PDE7A: variants seen among roughly 807,000 people sequenced by gnomAD.
The protein encoded by PDE7A is phosphodiesterase 7A.
In PDE7A, 39 loss-of-function variants were observed where a neutral mutation model predicts 64.3. That is an observed-to-expected ratio of 0.61 (90% CI 0.47 to 0.79). PDE7A has a LOEUF of 0.79. PDE7A is among the 30% of genes least tolerant of loss of function. The pLI is 0.00. For synonymous variants in PDE7A, 203 were observed against 206.8 expected, an observed-to-expected ratio of 0.98 and a Z score of 0.16; for missense variants, 470 against 582.8, an observed-to-expected ratio of 0.81 and a Z score of 1.99.
In PDE7A at chr8:65,841,905, A is replaced by G; in HGVS notation, c.-397T>C. ...GGAGCAAAGCAGTGCAAGAAAAGAC[A>G]GCTGGAGCCAGCGGCCAGACCCAGG... On this transcript the variant is annotated 5_prime_UTR_variant, in exon 1 of 13. Transcript: ENST00000401827. The G allele has an allele frequency of 4.7e-6, 1 of 211,032 alleles. No individual in the cohort carries two copies. The highest frequency in any genetic ancestry group is 6.9e-5 in the South Asian group (1 of 14,428). The allele number at this position is 211,032 out of a possible 1,614,324, so 13.1% of individuals were successfully genotyped here. A position where few individuals can be genotyped will look rare whatever the true frequency, so the allele number is the denominator to read the frequency against.
intron 6 of PDE7A, among the ~76,000 whole-genome samples, chr8:65,736,278 C>T (rs183203356): frequency 2.0e-5 from 3 of 152,242 alleles, no homozygotes; most frequent in Admixed American, 1.3e-4. Flanking sequence ...GATTTCATCA[C>T]GCTGCTCACA....
Position 65,719,042 on chromosome 8 carries a change from CT to C in PDE7A, c.*247del. The C allele has an allele frequency of 1.9e-6, 1 of 533,444 alleles. No homozygotes were observed. Among genetic ancestry groups the C allele is most frequent in the Non-Finnish European group, 3.4e-6 (1 of 297,118 alleles). 33.0% of individuals were successfully genotyped at this position (533,444 alleles called of 1,614,324 possible). On this transcript the variant is annotated 3_prime_UTR_variant, in exon 13 of 13. Coordinates refer to ENST00000401827, the MANE Select transcript of PDE7A (RefSeq NM_001242318.3). ...TCCTTTGTTACTCCTTTCGGATTCT[CT>C]CCTGCTGGGCTTTGCATATTCAAGG...
At position 65,834,416 on chromosome 8, in the gene PDE7A, TAAGTTTTTGAGGAGTCAA is replaced by T. The variant is rs1391980893; in HGVS notation, c.138+6937_138+6954del. Reference sequence around the variant, plus strand: ...TCACCAAGAGTAGGCTATTAGTAGTTAAGTTTTTGAGGAGTCAAAAGTTATATGTGGATTTTTGACTGC... The same window carrying T: ...TCACCAAGAGTAGGCTATTAGTAGTTAAGTTATATGTGGATTTTTGACTGC... On this transcript the variant is annotated intron_variant, in intron 1 of 12. Transcript: ENST00000401827. Among the ~76,000 whole-genome samples, 3 of 152,332 alleles carry T rather than the reference TAAGTTTTTGAGGAGTCAA, an allele frequency of 2.0e-5. No homozygotes were observed. In the East Asian group the frequency reaches 5.8e-4, roughly 29 times the overall value.
Position 65,766,032 on chromosome 8 carries a change from G to A in PDE7A, c.283+13688C>T, listed in dbSNP as rs567917462. On this transcript the variant is annotated intron_variant, in intron 3 of 12. Transcript: ENST00000401827. ...ACTATCTCAACTCACTGCAACCTCC[G>A]CCTCTTGGGTTCATGCCATTCTCCT... Among the ~76,000 whole-genome samples the A allele has an allele frequency of 1.8e-4, 27 of 152,222 alleles. No individual in the cohort carries two copies. In the East Asian group the frequency reaches 4.6e-3, roughly 26 times the overall value.
At chr8:65,783,047 A>G (rs1809460415) in intron 1 of PDE7A, among the ~76,000 whole-genome samples, 1 of 152,208 alleles carries the variant, frequency 6.6e-6, no homozygotes, top group South Asian at 2.1e-4. Flanking sequence ...TATGGTTAAG[A>G]ACTACCATAA....
chr8:65,719,589 T>C, intron 12 of PDE7A, 94 bp from the exon 13 acceptor site: 1 of 780,920 alleles, frequency 1.3e-6, no homozygotes. Context: ...TACATCCTAC[T>C]CCAGTATTAC....
At chr8:65,750,524 G>A (rs1807896436) in intron 3 of PDE7A, among the ~76,000 whole-genome samples, 1 of 151,490 alleles carries the variant, frequency 6.6e-6, no homozygotes, top group Non-Finnish European at 1.5e-5. Flanking sequence ...CTGTGTGTGT[G>A]TGAGACAGAG....
intron 1 of PDE7A, among the ~76,000 whole-genome samples, chr8:65,826,933 T>C (rs1296753080): frequency 6.6e-6 from 1 of 152,114 alleles, no homozygotes; most frequent in Non-Finnish European, 1.5e-5. Context: ...CTCCAATCTC[T>C]GCCTCCATCT....
At chr8:65,734,760 T>G (rs1448534176) in intron 7 of PDE7A, 34 bp downstream of exon 7, 7 of 1,206,296 alleles carry the variant, frequency 5.8e-6, no homozygotes, top group Non-Finnish European at 8.6e-6. Context: ...AATTTTCTTA[T>G]GATTTTCACC....
At position 65,716,416 on chromosome 8, in the gene PDE7A, C is replaced by T. The variant is rs529058977; in HGVS notation, c.*2874G>A. Among the ~76,000 whole-genome samples the T allele has an allele frequency of 2.1e-4, 32 of 152,144 alleles. No individual in the cohort carries two copies. Among genetic ancestry groups the T allele is most frequent in the Non-Finnish European group, 4.0e-4 (27 of 68,026 alleles). ...CTTGAGGTAATGACGTTATTTAATG[C>T]ATGTGCCAATCAGAAGCTGATGTAG... On this transcript the variant is annotated 3_prime_UTR_variant, in exon 13 of 13. Coordinates refer to ENST00000401827, the MANE Select transcript of PDE7A (RefSeq NM_001242318.3).
rs1201291950 is a variant in PDE7A at position 65,716,692 on chromosome 8, T to C, written c.*2598A>G. Among the ~76,000 whole-genome samples the C allele has an allele frequency of 3.3e-5, 5 of 152,182 alleles. No individual in the cohort carries two copies. The highest frequency in any genetic ancestry group is 4.8e-5 in the African/African-American group (2 of 41,454). ...TTCTCACTGTAAATTAAAATATTGATAGTGTTTTAAAAAAATAGTTACTGT... is the reference window on the plus strand; with the variant it reads ...TTCTCACTGTAAATTAAAATATTGACAGTGTTTTAAAAAAATAGTTACTGT... On this transcript the variant is annotated 3_prime_UTR_variant, in exon 13 of 13. Coordinates refer to ENST00000401827, the MANE Select transcript of PDE7A (RefSeq NM_001242318.3).
At chr8:65,772,284 T>C (rs1809120968) in intron 3 of PDE7A, among the ~76,000 whole-genome samples, 1 of 152,210 alleles carries the variant, frequency 6.6e-6, no homozygotes, top group African/African-American at 2.4e-5. Context: ...GAAACTATTT[T>C]TATTTCAGCA....
chr8:65,834,794 T>C (rs1810915220), intron 1 of PDE7A, among the ~76,000 whole-genome samples: 2 of 152,174 alleles, frequency 1.3e-5, no homozygotes, highest in Admixed American at 6.5e-5. Context: ...AAGAAAATTA[T>C]AAGCAGGAGA....
At chr8:65,776,871 C>G (rs1014330606) in intron 3 of PDE7A, among the ~76,000 whole-genome samples, 3 of 151,988 alleles carry the variant, frequency 2.0e-5, no homozygotes, top group African/African-American at 7.3e-5. Flanking sequence ...ACTATACTGG[C>G]CAGAACCTCT....
In PDE7A at chr8:65,715,220, C is replaced by A. The variant is rs1308330721; in HGVS notation, c.*4070G>T. 6.6e-6 allele frequency among the ~76,000 whole-genome samples: 1 copy of A among 151,848 alleles called. No individual in the cohort carries two copies. The highest frequency in any genetic ancestry group is 1.5e-5 in the Non-Finnish European group (1 of 67,974). On this transcript the variant is annotated 3_prime_UTR_variant, in exon 13 of 13. Coordinates refer to ENST00000401827, the MANE Select transcript of PDE7A (RefSeq NM_001242318.3). ...CTAAAATTTTTTAGAAAAAAATATTCCAGTAATATAGGTCGTATTTAAGTG... is the reference window on the plus strand; with the variant it reads ...CTAAAATTTTTTAGAAAAAAATATTACAGTAATATAGGTCGTATTTAAGTG...
intron 1 of PDE7A, among the ~76,000 whole-genome samples, chr8:65,813,374 G>C (rs1810302235): frequency 6.6e-6 from 1 of 152,120 alleles, no homozygotes; most frequent in Non-Finnish European, 1.5e-5. Flanking sequence ...TAAGCATCTT[G>C]ATTAGTAGGG....
In PDE7A at chr8:65,841,438, C is replaced by T; in HGVS notation, c.71G>A (p.Arg24Gln). Reference sequence around the variant, plus strand: ...GCTGGAGCTGAAGCTGATGGCTCCTCGGCGGCTGAGGACGTGCTGGGGGAC... The same window carrying T: ...GCTGGAGCTGAAGCTGATGGCTCCTTGGCGGCTGAGGACGTGCTGGGGGAC... ...RPVPQHVLSR[R>Q]GAISFSSSSA... The change falls in exon 1 of 13, where the codon CGA (arginine) becomes CAA (glutamine). Residue 24 changes from arginine (R) to glutamine (Q), a missense_variant. Coordinates refer to ENST00000401827, the MANE Select transcript of PDE7A (RefSeq NM_001242318.3). The T allele has an allele frequency of 6.4e-7, 1 of 1,563,100 alleles. No homozygotes were observed. Among genetic ancestry groups the T allele is most frequent in the Non-Finnish European group, 8.6e-7 (1 of 1,159,688 alleles).
intron 1 of PDE7A, among the ~76,000 whole-genome samples, chr8:65,841,113 C>A (rs1217241440): frequency 3.3e-5 from 5 of 152,164 alleles, no homozygotes; most frequent in African/African-American, 4.8e-5. Context: ...CTGCTGGGCA[C>A]AGAGGGTGAC....
intron 1 of PDE7A, among the ~76,000 whole-genome samples, chr8:65,826,240 T>C (rs539860623): frequency 1.7e-4 from 26 of 152,334 alleles, no homozygotes; most frequent in African/African-American, 6.0e-4. Flanking sequence ...ATGTTTTCAA[T>C]AGACTGACAC....
Sources: allele counts gnomAD v4.1 joint callset (sites outside exome capture counted in the v4.1 genomes callset), GRCh38; gene constraint gnomAD v4.1.1; transcripts MANE v1.5; gene names NCBI Gene and HGNC (gene_info 2026-07-23, HGNC 2026-07-21).